The following HELB variants were observed in gnomAD, a reference collection of about 807,000 sequenced individuals.
The protein encoded by HELB is DNA helicase B.
Under a neutral mutation model 101.7 loss-of-function variants are expected in HELB, and 96 were observed. The ratio of observed to expected loss-of-function variants is 0.94; its 90% CI spans 0.80 to 1.12. The LOEUF (loss-of-function observed/expected upper bound fraction) is 1.12. Among genes scored for constraint, HELB ranks in the 50% most tolerant of loss-of-function variants. HELB has a pLI of 0.00. For synonymous variants in HELB, 437 were observed against 459.7 expected (o/e 0.95, Z 0.63); for missense variants, 1,210 against 1,291.9 (o/e 0.94, Z 0.97).
At chr12:66,338,910 T>A (rs1018733127), downstream of HELB, 1 of 152,246 alleles carries the variant, frequency 6.6e-6, no homozygotes, top group East Asian at 1.9e-4. Context: ...GGACTTTTCC[T>A]TGGAAGTGCT....
chr12:66,343,436 A>G (rs2053931606), intron 13 of HELB: 1 of 152,060 alleles, frequency 6.6e-6, no homozygotes, highest in Non-Finnish European at 1.5e-5. Flanking sequence ...TCACCTGGCT[A>G]ACTTTTGTAT....
downstream of HELB, chr12:66,343,108 G>C (rs1044958848): frequency 3.9e-5 from 6 of 152,154 alleles, no homozygotes; most frequent in African/African-American, 1.4e-4. Flanking sequence ...TTTCAAGTTT[G>C]TTTTGGCTAT....
intron 11 of HELB, among the ~76,000 whole-genome samples, chr12:66,330,043 G>A (rs1003440263): frequency 4.6e-5 from 7 of 152,260 alleles, no homozygotes; most frequent in South Asian, 4.2e-4. Context: ...TATTTGCAGC[G>A]GATGTGTATT....
At chr12:66,336,985 G>A (rs1252165732) in intron 12 of HELB, among the ~76,000 whole-genome samples, 1 of 152,160 alleles carries the variant, frequency 6.6e-6, no homozygotes. Flanking sequence ...AAAATGAGGA[G>A]GTTCTAACAT....
chr12:66,332,162 A>C (rs2053817869), intron 12 of HELB, among the ~76,000 whole-genome samples: 1 of 152,168 alleles, frequency 6.6e-6, no homozygotes, highest in Non-Finnish European at 1.5e-5. Flanking sequence ...ACCACAGCCC[A>C]GAATCTTACT....
chr12:66,340,462 A>AT (rs1427147404), downstream of HELB: 1 of 152,098 alleles, frequency 6.6e-6, no homozygotes, highest in Non-Finnish European at 1.5e-5. Flanking sequence ...TAAATTGGAT[A>AT]TTTTTTCTTT....
At chr12:66,323,942 C>G (rs778683284) in intron 9 of HELB, 41 bp from the exon 10 acceptor site, 2 of 1,362,930 alleles carry the variant, frequency 1.5e-6, no homozygotes, top group Non-Finnish European at 1.0e-6. Flanking sequence ...GAAACGGAGA[C>G]TTTCCAAACT....
intron 10 of HELB, 22 bp from the exon 11 acceptor site, chr12:66,324,961 T>C (rs2053718593): frequency 1.2e-6 from 2 of 1,611,668 alleles, no homozygotes; most frequent in African/African-American, 2.7e-5. Context: ...GTATGCAAAA[T>C]AGTTCTTTGG....
chr12:66,311,005 A>C (rs544998817), intron 4 of HELB, among the ~76,000 whole-genome samples: 1 of 152,320 alleles, frequency 6.6e-6, no homozygotes, highest in Non-Finnish European at 1.5e-5. Context: ...AATTTATTGA[A>C]TGTTTCCTGG....
At chr12:66,314,240 T>C in intron 5 of HELB, 77 bp downstream of exon 5, 1 of 1,320,896 alleles carries the variant, frequency 7.6e-7, no homozygotes, top group Non-Finnish European at 1.1e-6. Flanking sequence ...ACCATTTAGT[T>C]GGTTGTTTAC....
At chr12:66,332,229 C>T (rs1339940645) in intron 12 of HELB, among the ~76,000 whole-genome samples, 2 of 152,138 alleles carry the variant, frequency 1.3e-5, no homozygotes, top group Non-Finnish European at 2.9e-5. Flanking sequence ...GGCTTAAAGT[C>T]TTAGAATCAC....
rs10686380 is a variant in HELB at position 66,308,043 on chromosome 12, TAAAA to T, written c.777+1548_777+1551del. On this transcript the variant is annotated intron_variant, in intron 3 of 12. Transcript: ENST00000247815. ...AACACACCTGGTCTTCTACCTCCTC[TAAAA>T]AAAAAAAAAAAAAAAAAATTAAAGC... is the stretch of plus-strand genomic sequence containing the variant. Among the ~76,000 whole-genome samples the T allele has an allele frequency of 4.6e-5, 5 of 108,048 alleles. No individual in the cohort carries two copies. In the East Asian group the frequency reaches 8.2e-4, roughly 18 times the overall value. The allele number at this position is 108,048 out of a possible 152,430, so 70.9% of individuals were successfully genotyped here.
intron 5 of HELB, among the ~76,000 whole-genome samples, chr12:66,314,841 A>G (rs1234713157): frequency 6.6e-6 from 1 of 152,122 alleles, no homozygotes; most frequent in Non-Finnish European, 1.5e-5. Flanking sequence ...TCACTATTAG[A>G]TTACTGGAAC....
chr12:66,342,877 G>A (rs2053927999), downstream of HELB: 1 of 151,642 alleles, frequency 6.6e-6, no homozygotes, highest in South Asian at 2.1e-4. Context: ...TGTATTTTTA[G>A]TAGAGACGGG....
intron 7 of HELB, chr12:66,321,619 C>A: frequency 7.7e-6 from 2 of 261,060 alleles, no homozygotes; most frequent in South Asian, 4.0e-5. Flanking sequence ...TGCTGTTACA[C>A]ACTTTGTACT....
Position 66,314,005 on chromosome 12 carries a change from C to A in HELB, c.1700C>A (p.Ser567Ter), listed in dbSNP as rs149157869. The A allele has an allele frequency of 6.2e-7, 1 of 1,613,644 alleles. No individual in the cohort carries two copies. The highest frequency in any genetic ancestry group is 1.1e-5 in the South Asian group (1 of 91,058). Residue 567 changes from serine to a stop codon, truncating the protein, a stop_gained, in exon 5 of 13, where the codon TCA becomes TAA. Coordinates refer to ENST00000247815, the MANE Select transcript of HELB (RefSeq NM_001370285.1). LOFTEE classifies it high-confidence loss of function. ...TTGTAGGTCAATTATAGCTTCTATT[C>A]ATGGACTCAAACAATGATGACCACA... is the stretch of plus-strand genomic sequence containing the variant. ...TLCQVNYSFY[S>*]WTQTMMTTNK...
chr12:66,324,311 C>A, intron 10 of HELB, 100 bp downstream of exon 10: 1 of 874,326 alleles, frequency 1.1e-6, no homozygotes, highest in Non-Finnish European at 1.8e-6. Flanking sequence ...TATCAGTTGA[C>A]ATTCTTGTTT....
chr12:66,342,638 A>G (rs2053926168), downstream of HELB: 1 of 151,480 alleles, frequency 6.6e-6, no homozygotes, highest in Non-Finnish European at 1.5e-5. Flanking sequence ...TGGCCTCCCA[A>G]AGTGCTGGGA....
intron 4 of HELB, among the ~76,000 whole-genome samples, chr12:66,311,910 A>G (rs1237416977): frequency 6.6e-6 from 1 of 152,216 alleles, no homozygotes; most frequent in Non-Finnish European, 1.5e-5. Context: ...TCCAAGGAAC[A>G]TGGAGACTCA....
Sources: gnomAD v4.1 joint callset for allele counts (sites outside exome capture counted in the v4.1 genomes callset) on GRCh38, gnomAD v4.1.1 for gene constraint, MANE v1.5 for transcripts, NCBI Gene and HGNC (gene_info 2026-07-23, HGNC 2026-07-21) for gene names.